KALRN: variants seen among roughly 807,000 people sequenced by gnomAD.
KALRN encodes kalirin.
A neutral mutation model predicts 353.7 loss-of-function variants in KALRN; 70 were observed. That is an observed-to-expected ratio of 0.20 (90% CI 0.16 to 0.24). The LOEUF (loss-of-function observed/expected upper bound fraction) is 0.24. KALRN is among the 10% of genes least tolerant of loss of function. The probability of loss-of-function intolerance (pLI) is 1.00; values close to 1 mark genes in which losing one functional copy is unlikely to be tolerated. For synonymous variants in KALRN, 1,391 were observed against 1,434.8 expected, an observed-to-expected ratio of 0.97 and a Z score of 0.69; for missense variants, 2,791 against 3,756.7, an observed-to-expected ratio of 0.74 and a Z score of 6.72.
At chr3:124,319,316 T>A (rs1394837780) in intron 6 of KALRN, among the ~76,000 whole-genome samples, 6 of 151,560 alleles carry the variant, frequency 4.0e-5, no homozygotes, top group African/African-American at 1.5e-4. Context: ...AAAGGAAATT[T>A]AAAAAACCAA....
chr3:124,043,304 T>C (rs1208054208), intron 1 of KALRN, among the ~76,000 whole-genome samples: 7 of 151,828 alleles, frequency 4.6e-5, no homozygotes, highest in Non-Finnish European at 8.8e-5. Context: ...GCAAGGTAGT[T>C]GGAGATGGGG....
intron 13 of KALRN, among the ~76,000 whole-genome samples, chr3:124,402,280 T>C (rs2090971486): frequency 6.6e-6 from 1 of 152,242 alleles, no homozygotes; most frequent in Non-Finnish European, 1.5e-5. Flanking sequence ...TGAAACATCC[T>C]AAATTTGTTA....
At chr3:124,547,150 ATTT>A (rs576486294) in intron 33 of KALRN, among the ~76,000 whole-genome samples, 79 of 152,032 alleles carry the variant, frequency 5.2e-4, no homozygotes, top group African/African-American at 1.9e-3. Flanking sequence ...ATTTATTTTA[ATTT>A]ATTTTAAATT....
At chr3:124,701,408 G>A (rs1189357380) in intron 56 of KALRN, among the ~76,000 whole-genome samples, 1 of 115,508 alleles carries the variant, frequency 8.7e-6, no homozygotes, top group East Asian at 2.5e-4. Context: ...TTTTTTTGGA[G>A]ACAGGGTCTC....
intron 1 of KALRN, among the ~76,000 whole-genome samples, chr3:124,118,861 G>GC (rs2063710746): frequency 2.0e-5 from 3 of 152,136 alleles, no homozygotes; most frequent in Non-Finnish European, 2.9e-5. Context: ...TATCTCACTT[G>GC]AGTCTTTCAG....
chr3:124,495,247 C>T (rs1423438707), intron 32 of KALRN, among the ~76,000 whole-genome samples: 1 of 152,092 alleles, frequency 6.6e-6, no homozygotes, highest in Non-Finnish European at 1.5e-5. Flanking sequence ...TGAGAAAATG[C>T]CTTGGCCTTC....
chr3:124,394,485 T>G (rs2089912106), intron 11 of KALRN, among the ~76,000 whole-genome samples: 2 of 152,242 alleles, frequency 1.3e-5, no homozygotes, highest in Non-Finnish European at 2.9e-5. Context: ...CACTATACTT[T>G]GCTCTTTTAA....
chr3:124,582,184 T>C (rs2074694727), intron 34 of KALRN, among the ~76,000 whole-genome samples: 1 of 151,926 alleles, frequency 6.6e-6, no homozygotes, highest in Admixed American at 6.6e-5. Flanking sequence ...CCATGCCCAG[T>C]TAATTTTTGT....
chr3:124,568,879 G>A (rs1401689036), intron 34 of KALRN, among the ~76,000 whole-genome samples: 2 of 152,204 alleles, frequency 1.3e-5, no homozygotes, highest in Non-Finnish European at 2.9e-5. Context: ...TTTCAGTTTT[G>A]CAAGATGAAA....
At chr3:124,649,301 C>T (rs570100418) in intron 37 of KALRN, among the ~76,000 whole-genome samples, 1 of 152,286 alleles carries the variant, frequency 6.6e-6, no homozygotes, top group South Asian at 2.1e-4. Context: ...CTGAGAGCAT[C>T]ATGACAATAC....
chr3:124,461,446 G>T (rs2059848989), intron 23 of KALRN, among the ~76,000 whole-genome samples: 1 of 152,042 alleles, frequency 6.6e-6, no homozygotes, highest in Admixed American at 6.6e-5. Context: ...AACTGTTTTG[G>T]TATATATCTA....
intron 33 of KALRN, among the ~76,000 whole-genome samples, chr3:124,548,386 T>C (rs930999872): frequency 6.6e-6 from 1 of 152,216 alleles, no homozygotes; most frequent in Non-Finnish European, 1.5e-5. Context: ...CTATTAAATC[T>C]TAAATCTAGC....
At chr3:124,063,442 G>A (rs2042120021) in intron 1 of KALRN, among the ~76,000 whole-genome samples, 1 of 152,184 alleles carries the variant, frequency 6.6e-6, no homozygotes, top group Admixed American at 6.5e-5. Flanking sequence ...CACCCTTGGT[G>A]CCTGTACAGT....
chr3:124,544,425 G>A (rs1191158340), intron 33 of KALRN, among the ~76,000 whole-genome samples: 1 of 152,140 alleles, frequency 6.6e-6, no homozygotes, highest in Admixed American at 6.5e-5. Context: ...GTCAGGCGTG[G>A]TGGTGGGTGC....
intron 1 of KALRN, among the ~76,000 whole-genome samples, chr3:124,179,913 C>T (rs1439471737): frequency 6.6e-6 from 1 of 152,198 alleles, no homozygotes; most frequent in Admixed American, 6.5e-5. Flanking sequence ...TAACTGAAAT[C>T]GCAGAAAGTG....
intron 34 of KALRN, among the ~76,000 whole-genome samples, chr3:124,626,261 G>C (rs149238033): frequency 6.6e-6 from 1 of 152,226 alleles, no homozygotes; most frequent in East Asian, 1.9e-4. Context: ...ACATGGATAA[G>C]AAAGATGCAC....
In KALRN at chr3:124,204,853, C is replaced by T. The variant is rs144084447; in HGVS notation, c.74-23137C>T. Reference sequence around the variant, plus strand: ...CTCCAGAATTTAACTGCCTCCCCACCTAAAACTAGTATTTTCTTTCCAAAT... The same window carrying T: ...CTCCAGAATTTAACTGCCTCCCCACTTAAAACTAGTATTTTCTTTCCAAAT... On this transcript the variant is annotated intron_variant, in intron 1 of 59. Coordinates refer to ENST00000682506, the MANE Select transcript of KALRN (RefSeq NM_001388419.1). Among the ~76,000 whole-genome samples the T allele has an allele frequency of 5.6e-3, 853 of 152,292 alleles. 6 individuals are homozygous for T. Among genetic ancestry groups the T allele is most frequent in the Middle Eastern group, 0.017 (5 of 294 alleles).
At chr3:124,231,665 A>G (rs2079167014) in intron 2 of KALRN, among the ~76,000 whole-genome samples, 1 of 152,188 alleles carries the variant, frequency 6.6e-6, no homozygotes, top group African/African-American at 2.4e-5. Context: ...CCATTAAAAT[A>G]CATTAACATT....
At position 124,462,617 on chromosome 3, in the gene KALRN, T is replaced by A; in HGVS notation, c.4015T>A (p.Tyr1339Asn). Residue 1339 changes from tyrosine to asparagine, a missense_variant, in exon 25 of 60, where the codon TAC becomes AAC. By Grantham distance (143) the Tyr-to-Asn change is moderately radical. This residue lies in a region of KALRN where 268 missense variants were observed against 347.0 expected (regional missense o/e 0.77). Coordinates refer to ENST00000682506, the MANE Select transcript of KALRN (RefSeq NM_001388419.1). ...CATCTTTGGCAACATCCAAGAGATC[T>A]ACGATTTCCATAACAAGTAGGTTTG... is the stretch of plus-strand genomic sequence containing the variant. Reference protein sequence around the residue: ...HIIFGNIQEIYDFHNNIFLKE... With the variant: ...HIIFGNIQEINDFHNNIFLKE... 1 of 1,604,150 alleles carries A rather than the reference T, an allele frequency of 6.2e-7. No homozygotes were observed. Among genetic ancestry groups the A allele is most frequent in the South Asian group, 1.1e-5 (1 of 90,856 alleles).
Sources: allele counts gnomAD v4.1 joint callset (sites outside exome capture counted in the v4.1 genomes callset), GRCh38; gene constraint gnomAD v4.1.1; regional missense constraint gnomAD v4.1.1; transcripts MANE v1.5; gene names NCBI Gene and HGNC (gene_info 2026-07-23, HGNC 2026-07-21).